Variants in AGBL1 observed in about 807,000 individuals in gnomAD.
AGBL1 encodes the protein AGBL carboxypeptidase 1.
A neutral mutation model predicts 118.9 loss-of-function variants in AGBL1; 130 were observed. The observed-to-expected ratio is 1.09, with a 90% confidence interval of 0.95 to 1.26. The LOEUF is 1.26. Ranked by LOEUF, AGBL1 falls within the 50% of genes most tolerant of loss-of-function variation. The probability of loss-of-function intolerance (pLI) is 0.00; values close to 1 mark genes in which losing one functional copy is unlikely to be tolerated. For synonymous variants in AGBL1, 555 were observed against 478.9 expected (o/e 1.16, Z -2.08); for missense variants, 1,584 against 1,298.1 (o/e 1.22, Z -3.38).
In AGBL1 at chr15:86,460,236, CT is replaced by C. The variant is rs569950949; in HGVS notation, c.2556-62571del. On this transcript the variant is annotated intron_variant, in intron 18 of 22. Transcript: ENST00000614907. Reference sequence around the variant, plus strand: ...GCATCTCACACCTATCATCTCAGCACTTTGGGAGGCTGCGGTGGGAGGATTG... The same window carrying C: ...GCATCTCACACCTATCATCTCAGCACTTGGGAGGCTGCGGTGGGAGGATTG... Among the ~76,000 whole-genome samples the C allele has an allele frequency of 3.3e-3, 449 of 134,178 alleles. 1 individual carries two copies. The highest frequency in any genetic ancestry group is 0.012 in the African/African-American group (434 of 36,394). The allele number at this position is 134,178 out of a possible 152,430, so 88.0% of individuals were successfully genotyped here.
intron 21 of AGBL1, among the ~76,000 whole-genome samples, chr15:86,564,718 C>T (rs2083885628): frequency 6.6e-6 from 1 of 152,226 alleles, no homozygotes; most frequent in African/African-American, 2.4e-5. Context: ...TAATATCTTG[C>T]AGAGTGTTTT....
At chr15:87,007,632 T>G (rs1596734580) in intron 24 of AGBL1, among the ~76,000 whole-genome samples, 1 of 152,098 alleles carries the variant, frequency 6.6e-6, no homozygotes, top group Non-Finnish European at 1.5e-5. Flanking sequence ...AGGGAAAATA[T>G]AAAGGATAAA....
intron 22 of AGBL1, among the ~76,000 whole-genome samples, chr15:86,866,429 G>T (rs951932112): frequency 6.6e-6 from 1 of 152,194 alleles, no homozygotes; most frequent in Non-Finnish European, 1.5e-5. Context: ...GACAAAACCA[G>T]GTTGGGGGAA....
At chr15:86,734,268 A>G (rs1342820408) in intron 22 of AGBL1, among the ~76,000 whole-genome samples, 2 of 152,206 alleles carry the variant, frequency 1.3e-5, no homozygotes, top group African/African-American at 4.8e-5. Context: ...ACTCTAAAGT[A>G]TATATTTCTG....
At chr15:86,962,912 G>C (rs557397918) in intron 23 of AGBL1, among the ~76,000 whole-genome samples, 1 of 152,016 alleles carries the variant, frequency 6.6e-6, no homozygotes, top group Non-Finnish European at 1.5e-5. Context: ...AACTTCTAAA[G>C]TTATGAATAT....
intron 18 of AGBL1, among the ~76,000 whole-genome samples, chr15:86,439,978 GT>G (rs1176766730): frequency 1.3e-5 from 2 of 151,266 alleles, no homozygotes; most frequent in African/African-American, 2.5e-5. Flanking sequence ...TATATCTGAA[GT>G]TTTTAGCCAT....
intron 22 of AGBL1, among the ~76,000 whole-genome samples, chr15:86,743,182 C>T (rs182653260): frequency 9.8e-4 from 149 of 152,016 alleles, no homozygotes; most frequent in African/African-American, 3.2e-3. Context: ...TTATTTATTT[C>T]GATAGTTTTA....
chr15:86,897,649 C>T (rs1335378055), intron 22 of AGBL1, among the ~76,000 whole-genome samples: 1 of 146,360 alleles, frequency 6.8e-6, no homozygotes, highest in Non-Finnish European at 1.6e-5. Context: ...ACTGATTTTC[C>T]CCCCAGTGGT....
rs530971548 is a variant in AGBL1 at position 86,200,237 on chromosome 15, A to G, written c.489-24677A>G. Among the ~76,000 whole-genome samples, 4 of 152,354 alleles carry G rather than the reference A, an allele frequency of 2.6e-5. No individual in the cohort carries two copies. In the East Asian group the frequency reaches 5.8e-4, roughly 22 times the overall value. On this transcript the variant is annotated intron_variant, in intron 5 of 22. Coordinates refer to ENST00000614907, the MANE Select transcript of AGBL1 (RefSeq NM_001386094.1). ...TAGGCTTGGATTTATTTTAGGTGAC[A>G]GCACATATACATAAAAAAAGAAAAA...
chr15:86,621,586 C>G (rs1465293054), intron 21 of AGBL1, among the ~76,000 whole-genome samples: 1 of 152,166 alleles, frequency 6.6e-6, no homozygotes, highest in Non-Finnish European at 1.5e-5. Context: ...GTCATTGGAT[C>G]TTAGACTCAC....
chr15:86,513,417 A>G (rs1323918783), intron 18 of AGBL1, among the ~76,000 whole-genome samples: 1 of 152,040 alleles, frequency 6.6e-6, no homozygotes, highest in Non-Finnish European at 1.5e-5. Flanking sequence ...TATCAGGGGC[A>G]TGTGATGTTG....
chr15:86,094,102 G>A (rs1281235018), intron 1 of AGBL1, among the ~76,000 whole-genome samples: 1 of 152,016 alleles, frequency 6.6e-6, no homozygotes. Flanking sequence ...GTGGATATGT[G>A]TTCAAATATT....
intron 22 of AGBL1, among the ~76,000 whole-genome samples, chr15:86,902,962 G>A (rs2080231617): frequency 2.0e-5 from 3 of 152,082 alleles, no homozygotes; most frequent in Admixed American, 2.0e-4. Flanking sequence ...GCATAGTTTA[G>A]GACATTTTCA....
At chr15:86,225,280 C>T (rs2078344553) in intron 6 of AGBL1, among the ~76,000 whole-genome samples, 1 of 151,902 alleles carries the variant, frequency 6.6e-6, no homozygotes, top group African/African-American at 2.4e-5. Context: ...TCTAACAGAG[C>T]CAGCAGTCCC....
intron 23 of AGBL1, among the ~76,000 whole-genome samples, chr15:86,970,449 T>C (rs969176778): frequency 5.9e-5 from 9 of 151,942 alleles, no homozygotes; most frequent in African/African-American, 1.9e-4. Context: ...TAACCATTGG[T>C]TGAAGTCTAT....
chr15:86,666,269 C>G (rs1021785839), intron 21 of AGBL1, among the ~76,000 whole-genome samples: 1 of 152,040 alleles, frequency 6.6e-6, no homozygotes, highest in African/African-American at 2.4e-5. Flanking sequence ...ATTTCATTCT[C>G]AGATATTTTA....
intron 17 of AGBL1, among the ~76,000 whole-genome samples, chr15:86,352,021 C>G (rs1361077938): frequency 4.6e-5 from 7 of 152,156 alleles, no homozygotes; most frequent in Non-Finnish European, 5.9e-5. Flanking sequence ...TGCCCAATGC[C>G]TGAACAACAT....
chr15:86,625,984 G>T (rs1032956529), intron 21 of AGBL1, among the ~76,000 whole-genome samples: 1 of 152,174 alleles, frequency 6.6e-6, no homozygotes, highest in African/African-American at 2.4e-5. Context: ...GAGTCATAAA[G>T]AATAGTAGAG....
At chr15:87,005,554 G>A (rs1014589050) in intron 24 of AGBL1, among the ~76,000 whole-genome samples, 3 of 152,088 alleles carry the variant, frequency 2.0e-5, no homozygotes, top group African/African-American at 7.2e-5. Context: ...GTCCTTTAAG[G>A]ACTTCTCTGC....
Sources: gnomAD v4.1 joint callset for allele counts (sites outside exome capture counted in the v4.1 genomes callset) on GRCh38, gnomAD v4.1.1 for gene constraint, MANE v1.5 for transcripts, NCBI Gene and HGNC (gene_info 2026-07-23, HGNC 2026-07-21) for gene names.